Variants in ZNF740 observed in about 807,000 individuals in gnomAD.
ZNF740 encodes oriLyt TD-element-binding protein 7.
A neutral mutation model predicts 24.8 loss-of-function variants in ZNF740; 14 were observed. The ratio of observed to expected loss-of-function variants is 0.56; its 90% CI spans 0.37 to 0.88. The LOEUF (loss-of-function observed/expected upper bound fraction) is 0.88. ZNF740 is among the 40% of genes least tolerant of loss of function. The pLI is 0.00. For missense variants in ZNF740, 201 were observed against 247.9 expected, an observed-to-expected ratio of 0.81 and a Z score of 1.27; for synonymous variants, 69 against 84.0, an observed-to-expected ratio of 0.82 and a Z score of 0.98.
At chr12:53,183,508 A>G (rs1941745805) in intron 2 of ZNF740, among the ~76,000 whole-genome samples, 1 of 152,202 alleles carries the variant, frequency 6.6e-6, no homozygotes, top group African/African-American at 2.4e-5. Context: ...TTTCAGTAAG[A>G]AAAGTATTTT....
chr12:53,193,053 T>C lies in ZNF740; in HGVS notation c.*5463T>C. On this transcript the variant is annotated 3_prime_UTR_variant, in exon 7 of 7. Transcript: ENST00000416904. Reference sequence around the variant, plus strand: ...CCCATACACCGGAATCTTTTGATATTTGCCTTCCATGCCAGGAGATTCCCA... The same window carrying C: ...CCCATACACCGGAATCTTTTGATATCTGCCTTCCATGCCAGGAGATTCCCA... 7.1e-7 allele frequency: 1 copy of C among 1,401,888 alleles called. No homozygotes were observed. Among genetic ancestry groups the C allele is most frequent in the Non-Finnish European group, 9.9e-7 (1 of 1,012,356 alleles). The allele number at this position is 1,401,888 out of a possible 1,614,324, so 86.8% of individuals were successfully genotyped here.
At chr12:53,185,152 G>A in intron 3 of ZNF740, 112 bp downstream of exon 3, 1 of 1,514,258 alleles carries the variant, frequency 6.6e-7, no homozygotes, top group Non-Finnish European at 9.0e-7. Context: ...GTGGGGCAAG[G>A]GGATCCAACT....
chr12:53,187,693 A>G lies in ZNF740; in HGVS notation c.*103A>G. ...CCACCGCCCCATGTGAACCTGTCCC[A>G]CTCCTGGAGGAGTGGACCCAGGAGA... On this transcript the variant is annotated 3_prime_UTR_variant, in exon 7 of 7. Coordinates refer to ENST00000416904, the MANE Select transcript of ZNF740 (RefSeq NM_001004304.4). 1.1e-6 allele frequency: 1 copy of G among 925,516 alleles called. No individual in the cohort carries two copies. Among genetic ancestry groups the G allele is most frequent in the Non-Finnish European group, 1.7e-6 (1 of 580,204 alleles). The allele number at this position is 925,516 out of a possible 1,614,324, so 57.3% of individuals were successfully genotyped here. A position where few individuals can be genotyped will look rare whatever the true frequency, so the allele number is the denominator to read the frequency against.
In ZNF740 at chr12:53,180,783, G is replaced by A; in HGVS notation, c.-362G>A. 1 of 1,273,426 alleles carries A rather than the reference G, an allele frequency of 7.9e-7. No individual in the cohort carries two copies. The highest frequency in any genetic ancestry group is 1.6e-5 in the African/African-American group (1 of 63,596). The allele number at this position is 1,273,426 out of a possible 1,614,324, so 78.9% of individuals were successfully genotyped here. ...CGGTGGGGTTGGCAGGGTGTGCTGG[G>A]GCCTGGAGGAGGCGCCGCGCGGCCA... On this transcript the variant is annotated 5_prime_UTR_variant, in exon 1 of 7. Transcript: ENST00000416904.
chr12:53,185,783 C>T (rs1277611318), intron 4 of ZNF740, among the ~76,000 whole-genome samples, 171 bp from the exon 5 acceptor site: 2 of 152,186 alleles, frequency 1.3e-5, no homozygotes, highest in African/African-American at 4.8e-5. Context: ...CCCACTCCAC[C>T]TCCTTCCCCA....
Position 53,189,110 on chromosome 12 carries a change from G to T in ZNF740, c.*1520G>T, listed in dbSNP as rs1941880711. ...GGAACAGAAGGGCTTTTGTTTTGGA[G>T]GGTTTTTTTTTTTAAGATGAATTCA... is the stretch of plus-strand genomic sequence containing the variant. On this transcript the variant is annotated 3_prime_UTR_variant, in exon 7 of 7. Coordinates refer to ENST00000416904, the MANE Select transcript of ZNF740 (RefSeq NM_001004304.4). The T allele has an allele frequency of 6.6e-6, 1 of 151,870 alleles. No homozygotes were observed. The highest frequency in any genetic ancestry group is 2.4e-5 in the African/African-American group (1 of 41,342). The allele number at this position is 151,870 out of a possible 1,614,324, so 9.4% of individuals were successfully genotyped here. A position where few individuals can be genotyped will look rare whatever the true frequency, so the allele number is the denominator to read the frequency against.
chr12:53,186,647 C>T, intron 6 of ZNF740, 138 bp downstream of exon 6: 1 of 612,952 alleles, frequency 1.6e-6, no homozygotes, highest in East Asian at 2.8e-5. Flanking sequence ...TGAAGTGCAT[C>T]TGTCTGGCCT....
chr12:53,191,909 G>A lies in ZNF740; in HGVS notation c.*4319G>A, dbSNP rs370045431. On this transcript the variant is annotated 3_prime_UTR_variant, in exon 7 of 7. Coordinates refer to ENST00000416904, the MANE Select transcript of ZNF740 (RefSeq NM_001004304.4). The stretch of plus-strand genomic sequence containing the variant: ...TCCTTCTCAAAGCGACTGTATTCCC[G>A]GCGGTCATAGATTTCCACCGAGAGC... The A allele has an allele frequency of 4.8e-5, 77 of 1,611,296 alleles. No homozygotes were observed. The highest frequency in any genetic ancestry group is 6.7e-5 in the African/African-American group (5 of 74,606).
At position 53,191,752 on chromosome 12, in the gene ZNF740, G is replaced by A. The variant is rs1941953612; in HGVS notation, c.*4162G>A. 1 of 1,529,172 alleles carries A rather than the reference G, an allele frequency of 6.5e-7. No homozygotes were observed. Among genetic ancestry groups the A allele is most frequent in the South Asian group, 1.1e-5 (1 of 88,974 alleles). 94.7% of individuals were successfully genotyped at this position (1,529,172 alleles called of 1,614,324 possible). A position where few individuals can be genotyped will look rare whatever the true frequency, so the allele number is the denominator to read the frequency against. On this transcript the variant is annotated 3_prime_UTR_variant, in exon 7 of 7. Transcript: ENST00000416904. Reference sequence around the variant, plus strand: ...AGGAGCTGATGGAAGTTAGCAGAGGGGTTGGTTACATGTGCCAGGGGCTGG... The same window carrying A: ...AGGAGCTGATGGAAGTTAGCAGAGGAGTTGGTTACATGTGCCAGGGGCTGG...
Position 53,193,332 on chromosome 12 carries a change from C to G in ZNF740, c.*5742C>G, listed in dbSNP as rs1049231272. On this transcript the variant is annotated 3_prime_UTR_variant, in exon 7 of 7. Coordinates refer to ENST00000416904, the MANE Select transcript of ZNF740 (RefSeq NM_001004304.4). ...GAGGACAGCTCTGCCACAGAGCACT[C>G]ACAGAGCCGACCTAGGCGGCCAGGG... 6.2e-7 allele frequency: 1 copy of G among 1,601,152 alleles called. No homozygotes were observed. The highest frequency in any genetic ancestry group is 1.3e-5 in the African/African-American group (1 of 74,604).
At position 53,185,420 on chromosome 12, in the gene ZNF740, C is replaced by T. The variant is rs187594342; in HGVS notation, c.193C>T (p.Arg65Cys). 10,632 of 1,613,842 alleles carry T rather than the reference C, an allele frequency of 6.6e-3. 55 individuals carry two copies. The highest frequency in any genetic ancestry group is 8.9e-3 in the Middle Eastern group (54 of 6,052). The change falls in exon 4 of 7, where the codon CGC becomes TGC. Residue 65 changes from arginine (R) to cysteine (C), a missense_variant. This residue lies in a region of ZNF740 where 117 missense variants were observed against 122.3 expected (regional missense o/e 0.96). Transcript: ENST00000416904. ...HRKDSDKSRS[R>C]KDDDSLSEAS... ...AAAAGACAGTGATAAGTCCCGGAGCCGCAAAGATGATGACAGCTTGTCTGA... is the reference window on the plus strand; with the variant it reads ...AAAAGACAGTGATAAGTCCCGGAGCTGCAAAGATGATGACAGCTTGTCTGA...
Position 53,193,073 on chromosome 12 carries a change from T to C in ZNF740, c.*5483T>C. On this transcript the variant is annotated 3_prime_UTR_variant, in exon 7 of 7. Transcript: ENST00000416904. ...GATATTTGCCTTCCATGCCAGGAGA[T>C]TCCCAGAGCCTAAGTGCCTTGGGAA... The C allele has an allele frequency of 2.7e-6, 4 of 1,467,838 alleles. No individual in the cohort carries two copies. The highest frequency in any genetic ancestry group is 2.5e-5 in the South Asian group (2 of 81,252). 90.9% of individuals were successfully genotyped at this position (1,467,838 alleles called of 1,614,324 possible).
At chr12:53,181,051 G>A (rs530242320) in intron 1 of ZNF740, 7 of 876,022 alleles carry the variant, frequency 8.0e-6, no homozygotes, top group African/African-American at 1.9e-5. Context: ...CCCGGGAGAG[G>A]GCTCTCGGAG....
chr12:53,186,860 T>C (rs944153791), intron 6 of ZNF740: 5 of 200,688 alleles, frequency 2.5e-5, no homozygotes, highest in Non-Finnish European at 4.2e-5. Flanking sequence ...AAGTTAAGTT[T>C]CCCAGGGACA....
At position 53,193,116 on chromosome 12, in the gene ZNF740, C is replaced by T; in HGVS notation, c.*5526C>T. 6.3e-7 allele frequency: 1 copy of T among 1,586,892 alleles called. No individual in the cohort carries two copies. Among genetic ancestry groups the T allele is most frequent in the Non-Finnish European group, 8.6e-7 (1 of 1,160,142 alleles). ...CTTGGGAAGGCCTCTCAGACCCCGC[C>T]CTTCTCCCCAAGGCTCCAGGTACCT... On this transcript the variant is annotated 3_prime_UTR_variant, in exon 7 of 7. Coordinates refer to ENST00000416904, the MANE Select transcript of ZNF740 (RefSeq NM_001004304.4).
Position 53,191,374 on chromosome 12 carries a change from A to G in ZNF740, c.*3784A>G. The G allele has an allele frequency of 1.6e-6, 1 of 620,894 alleles. No individual in the cohort carries two copies. Among genetic ancestry groups the G allele is most frequent in the South Asian group, 1.8e-5 (1 of 55,364 alleles). 38.5% of individuals were successfully genotyped at this position (620,894 alleles called of 1,614,324 possible). ...TGGGTGGGGTAGCCCAGATGGATGC[A>G]AGGTTGCAGGCATGGGAAGCAGCCC... On this transcript the variant is annotated 3_prime_UTR_variant, in exon 7 of 7. Transcript: ENST00000416904.
Position 53,192,315 on chromosome 12 carries a change from T to A in ZNF740, c.*4725T>A, listed in dbSNP as rs760098917. 2 of 1,613,186 alleles carry A rather than the reference T, an allele frequency of 1.2e-6. No individual in the cohort carries two copies. Among genetic ancestry groups the A allele is most frequent in the South Asian group, 1.1e-5 (1 of 91,066 alleles). On this transcript the variant is annotated 3_prime_UTR_variant, in exon 7 of 7. Coordinates refer to ENST00000416904, the MANE Select transcript of ZNF740 (RefSeq NM_001004304.4). ...CATCAAACTTCCAGGGTTTGTGGCATCCCTGCCCACTTACTTTCTTGGGGT... is the reference window on the plus strand; with the variant it reads ...CATCAAACTTCCAGGGTTTGTGGCAACCCTGCCCACTTACTTTCTTGGGGT...
In ZNF740 at chr12:53,187,974, T is replaced by C; in HGVS notation, c.*384T>C. 4.7e-6 allele frequency: 1 copy of C among 211,996 alleles called. No individual in the cohort carries two copies. Among genetic ancestry groups the C allele is most frequent in the Non-Finnish European group, 9.7e-6 (1 of 103,596 alleles). 13.1% of individuals were successfully genotyped at this position (211,996 alleles called of 1,614,324 possible). On this transcript the variant is annotated 3_prime_UTR_variant, in exon 7 of 7. Transcript: ENST00000416904. ...GGATTTGTTTGTTCTGTTCTTGTTT[T>C]TGTTTATCCAAAAGCAACTTCAGCG...
chr12:53,185,890 T>G, intron 4 of ZNF740, 64 bp from the exon 5 acceptor site: 1 of 1,589,018 alleles, frequency 6.3e-7, no homozygotes, highest in Non-Finnish European at 8.6e-7. Flanking sequence ...GGACCCAGAG[T>G]AGAACAGTGT....
Sources: allele counts gnomAD v4.1 joint callset (sites outside exome capture counted in the v4.1 genomes callset), GRCh38; gene constraint gnomAD v4.1.1; regional missense constraint gnomAD v4.1.1; transcripts MANE v1.5; gene names NCBI Gene and HGNC (gene_info 2026-07-23, HGNC 2026-07-21).